The following STAG1 variants were observed in gnomAD, a reference collection of about 807,000 sequenced individuals.
The protein encoded by STAG1 is STAG1 cohesin complex component.
A neutral mutation model predicts 170.9 loss-of-function variants in STAG1; 26 were observed. The ratio of observed to expected loss-of-function variants is 0.15; its 90% CI spans 0.11 to 0.21. The LOEUF is 0.21. Among genes scored for constraint, STAG1 ranks in the 10% least tolerant of loss-of-function variants. The pLI is 1.00. For synonymous variants in STAG1, 514 were observed against 497.7 expected, an observed-to-expected ratio of 1.03 and a Z score of -0.44; for missense variants, 964 against 1,509.5, an observed-to-expected ratio of 0.64 and a Z score of 5.99.
At chr3:136,473,021 A>G (rs561087469) in intron 11 of STAG1, among the ~76,000 whole-genome samples, 4 of 152,260 alleles carry the variant, frequency 2.6e-5, no homozygotes, top group African/African-American at 9.6e-5. Context: ...CATCACTCCC[A>G]CTATTGCCTG....
At chr3:136,638,636 C>T (rs1940674918) in intron 1 of STAG1, among the ~76,000 whole-genome samples, 1 of 152,102 alleles carries the variant, frequency 6.6e-6, no homozygotes, top group Admixed American at 6.5e-5. Context: ...GGTGCGGTAG[C>T]TCGCGCCTGA....
At chr3:136,348,453 G>T (rs933535247) in intron 29 of STAG1, among the ~76,000 whole-genome samples, 7 of 152,248 alleles carry the variant, frequency 4.6e-5, no homozygotes, top group African/African-American at 1.7e-4. Flanking sequence ...CTGTCGCCCA[G>T]GCTGGAGTGC....
At chr3:136,653,618 T>G (rs1296548995) in intron 1 of STAG1, among the ~76,000 whole-genome samples, 2 of 152,196 alleles carry the variant, frequency 1.3e-5, no homozygotes, top group Admixed American at 6.5e-5. Context: ...TTACAAATTA[T>G]AAAAATGTGG....
intron 4 of STAG1, among the ~76,000 whole-genome samples, chr3:136,574,440 G>T (rs1559886887): frequency 1.3e-5 from 2 of 151,770 alleles, no homozygotes; most frequent in Non-Finnish European, 2.9e-5. Flanking sequence ...TGTTTGCATG[G>T]TGTATGTGTG....
chr3:136,665,871 C>A (rs1395052241), intron 1 of STAG1, among the ~76,000 whole-genome samples: 8 of 150,678 alleles, frequency 5.3e-5, no homozygotes, highest in Non-Finnish European at 1.2e-4. Flanking sequence ...GTCAGGAGAT[C>A]GAGACCATCC....
intron 24 of STAG1, among the ~76,000 whole-genome samples, chr3:136,368,243 A>G (rs1186520774): frequency 6.6e-6 from 1 of 152,212 alleles, no homozygotes; most frequent in African/African-American, 2.4e-5. Flanking sequence ...TGTGGATCAA[A>G]TATACTTCTT....
chr3:136,747,319 C>A (rs1300474077), intron 1 of STAG1, among the ~76,000 whole-genome samples: 4 of 150,828 alleles, frequency 2.7e-5, no homozygotes, highest in Admixed American at 2.0e-4. Flanking sequence ...CTAGACCAAT[C>A]ACACCACAGC....
chr3:136,725,494 G>T (rs577769754), intron 1 of STAG1, among the ~76,000 whole-genome samples: 1 of 152,128 alleles, frequency 6.6e-6, no homozygotes, highest in Non-Finnish European at 1.5e-5. Context: ...ATCTGTATTA[G>T]CAAGTTAAGT....
chr3:136,688,695 A>T (rs989728575), intron 1 of STAG1, among the ~76,000 whole-genome samples: 1 of 152,120 alleles, frequency 6.6e-6, no homozygotes, highest in South Asian at 2.1e-4. Flanking sequence ...CCTGGCCAAG[A>T]GTATAATTTT....
At chr3:136,615,193 G>GA (rs1419441717) in intron 3 of STAG1, among the ~76,000 whole-genome samples, 1 of 151,470 alleles carries the variant, frequency 6.6e-6, no homozygotes, top group Non-Finnish European at 1.5e-5. Flanking sequence ...GTTCCAGAAC[G>GA]AAAAAACACA....
At chr3:136,634,626 A>AT (rs1417016451) in intron 1 of STAG1, among the ~76,000 whole-genome samples, 1 of 151,918 alleles carries the variant, frequency 6.6e-6, no homozygotes, top group Non-Finnish European at 1.5e-5. Context: ...AAAAAAAAAA[A>AT]AAGCTCAAAT....
chr3:136,517,441 T>C (rs1438129956), intron 7 of STAG1, among the ~76,000 whole-genome samples: 1 of 152,158 alleles, frequency 6.6e-6, no homozygotes, highest in Non-Finnish European at 1.5e-5. Context: ...TCAGCCTGAA[T>C]GTTGCCCTCT....
chr3:136,676,198 C>T (rs1230812824), intron 1 of STAG1, among the ~76,000 whole-genome samples: 1 of 152,136 alleles, frequency 6.6e-6, no homozygotes, highest in African/African-American at 2.4e-5. Context: ...GTAAGTTGCT[C>T]TAGGTGAGTG....
At chr3:136,713,805 C>T (rs1391830002) in intron 1 of STAG1, among the ~76,000 whole-genome samples, 1 of 151,886 alleles carries the variant, frequency 6.6e-6, no homozygotes, top group East Asian at 1.9e-4. Flanking sequence ...GGCAGATTAC[C>T]TGAGGTCAGA....
At chr3:136,372,827 C>T (rs142340323) in intron 23 of STAG1, among the ~76,000 whole-genome samples, 2,328 of 151,994 alleles carry the variant, frequency 0.015, 45 homozygotes, top group African/African-American at 0.047. Context: ...GTTGTGTCTC[C>T]GCCAGGCTTT....
At chr3:136,352,040 A>C (rs2108271321) in intron 28 of STAG1, among the ~76,000 whole-genome samples, 1 of 152,366 alleles carries the variant, frequency 6.6e-6, no homozygotes. Context: ...TTGTTCATCC[A>C]AGTAACTAAA....
intron 4 of STAG1, among the ~76,000 whole-genome samples, chr3:136,603,103 A>G (rs1938750660): frequency 6.6e-6 from 1 of 152,186 alleles, no homozygotes; most frequent in Admixed American, 6.5e-5. Context: ...AAGGGCTTCA[A>G]AAAGAAATAC....
At chr3:136,676,396 CTT>C (rs927485842) in intron 1 of STAG1, among the ~76,000 whole-genome samples, 96 of 152,266 alleles carry the variant, frequency 6.3e-4, no homozygotes, top group African/African-American at 2.2e-3. Context: ...CTTTTTGACT[CTT>C]TGGTAATAAC....
chr3:136,745,441 T>A (rs936390658), intron 1 of STAG1, among the ~76,000 whole-genome samples: 2 of 152,100 alleles, frequency 1.3e-5, no homozygotes, highest in African/African-American at 2.4e-5. Flanking sequence ...GGAAAAAAAT[T>A]TTTCCACGGA....
Sources: gnomAD v4.1 joint callset for allele counts (sites outside exome capture counted in the v4.1 genomes callset) on GRCh38, gnomAD v4.1.1 for gene constraint, MANE v1.5 for transcripts, NCBI Gene and HGNC (gene_info 2026-07-23, HGNC 2026-07-21) for gene names.